SGMS1: variants seen among roughly 807,000 people sequenced by gnomAD.
SGMS1 encodes the protein phosphatidylcholine:ceramide cholinephosphotransferase 1.
In SGMS1, 13 loss-of-function variants were observed where a neutral mutation model predicts 46.2. The observed-to-expected ratio is 0.28, with a 90% CI of 0.18 to 0.45. The LOEUF (loss-of-function observed/expected upper bound fraction) is 0.45. SGMS1 is among the 20% of genes least tolerant of loss of function. The pLI is 1.00. For synonymous variants in SGMS1, 203 were observed against 187.8 expected (o/e 1.08, Z -0.66); for missense variants, 324 against 519.9 (o/e 0.62, Z 3.66).
At chr10:50,371,743 T>A (rs1848439159) in intron 6 of SGMS1, among the ~76,000 whole-genome samples, 1 of 152,170 alleles carries the variant, frequency 6.6e-6, no homozygotes, top group Non-Finnish European at 1.5e-5. Context: ...GTACATTCTG[T>A]GCTGCTGTAA....
chr10:50,465,343 G>A (rs1311113706), intron 4 of SGMS1, among the ~76,000 whole-genome samples: 1 of 151,742 alleles, frequency 6.6e-6, no homozygotes, highest in Non-Finnish European at 1.5e-5. Flanking sequence ...TTAAAATCAG[G>A]GATCAAAACA....
intron 6 of SGMS1, among the ~76,000 whole-genome samples, chr10:50,406,704 C>CT (rs11424535): frequency 0.63 from 90,972 of 144,914 alleles, 29,680 homozygotes; most frequent in African/African-American, 0.82. Context: ...AGCTATAATT[C>CT]TTTTTTTTTT....
At chr10:50,375,884 A>T (rs1400789284) in intron 6 of SGMS1, among the ~76,000 whole-genome samples, 1 of 152,014 alleles carries the variant, frequency 6.6e-6, no homozygotes, top group African/African-American at 2.4e-5. Flanking sequence ...TTTTTAAGAG[A>T]TGGGGTCTCA....
At chr10:50,622,394 CT>C (rs1838860862) in intron 1 of SGMS1, among the ~76,000 whole-genome samples, 1 of 152,188 alleles carries the variant, frequency 6.6e-6, no homozygotes, top group Non-Finnish European at 1.5e-5. Flanking sequence ...TCAGTCCCCC[CT>C]GAATGTTTCA....
chr10:50,372,039 A>G (rs1482699299), intron 6 of SGMS1, among the ~76,000 whole-genome samples: 3 of 152,212 alleles, frequency 2.0e-5, no homozygotes, highest in African/African-American at 7.2e-5. Context: ...ACTCTTATCT[A>G]TATAATCTTA....
At chr10:50,531,281 A>G (rs1430427571) in intron 2 of SGMS1, among the ~76,000 whole-genome samples, 2 of 152,076 alleles carry the variant, frequency 1.3e-5, no homozygotes, top group African/African-American at 4.8e-5. Context: ...TGTGTAGACT[A>G]CCTGTTAGTA....
intron 2 of SGMS1, among the ~76,000 whole-genome samples, chr10:50,546,997 C>T (rs1388084078): frequency 6.6e-6 from 1 of 152,044 alleles, no homozygotes; most frequent in Non-Finnish European, 1.5e-5. Flanking sequence ...ATGCTGTTTC[C>T]ATCCCAAAAT....
chr10:50,556,935 C>T (rs561544236), intron 2 of SGMS1, among the ~76,000 whole-genome samples: 4 of 152,292 alleles, frequency 2.6e-5, no homozygotes, highest in South Asian at 2.1e-4. Context: ...AGCCCCAATC[C>T]AATCACTCAG....
intron 8 of SGMS1, among the ~76,000 whole-genome samples, chr10:50,318,632 T>C (rs1335195597): frequency 6.6e-6 from 1 of 152,190 alleles, no homozygotes; most frequent in Non-Finnish European, 1.5e-5. Flanking sequence ...GTGTTCTCTA[T>C]ACATATAGTA....
intron 3 of SGMS1, among the ~76,000 whole-genome samples, chr10:50,504,985 C>A (rs1441779588): frequency 6.6e-6 from 1 of 152,080 alleles, no homozygotes; most frequent in Non-Finnish European, 1.5e-5. Flanking sequence ...TTTGGGAGGC[C>A]AAGGCAGGAG....
intron 5 of SGMS1, among the ~76,000 whole-genome samples, chr10:50,455,672 T>C (rs1029303116): frequency 1.3e-5 from 2 of 152,222 alleles, no homozygotes; most frequent in African/African-American, 4.8e-5. Flanking sequence ...AAATCTTCAA[T>C]TTAAGAGAGC....
At chr10:50,486,597 CA>C (rs1837523163) in intron 3 of SGMS1, among the ~76,000 whole-genome samples, 1 of 152,152 alleles carries the variant, frequency 6.6e-6, no homozygotes, top group Admixed American at 6.5e-5. Flanking sequence ...AGATGCAAAT[CA>C]AAACCACTAG....
At chr10:50,350,877 G>C (rs1038401504) in intron 6 of SGMS1, among the ~76,000 whole-genome samples, 2 of 152,200 alleles carry the variant, frequency 1.3e-5, no homozygotes, top group Non-Finnish European at 2.9e-5. Context: ...TGTGGGGTCA[G>C]AGCCCCCACA....
At chr10:50,615,131 C>G (rs1838784724) in intron 1 of SGMS1, among the ~76,000 whole-genome samples, 2 of 152,204 alleles carry the variant, frequency 1.3e-5, no homozygotes, top group Admixed American at 6.5e-5. Flanking sequence ...AGAGAATGCA[C>G]CTGGCTCCAC....
intron 3 of SGMS1, among the ~76,000 whole-genome samples, chr10:50,492,088 G>A (rs1010711195): frequency 5.9e-5 from 9 of 152,138 alleles, no homozygotes; most frequent in African/African-American, 1.9e-4. Flanking sequence ...CTCAATAGAC[G>A]CAGAAAAGGG....
At chr10:50,583,910 A>T (rs1838458358) in intron 2 of SGMS1, among the ~76,000 whole-genome samples, 1 of 152,212 alleles carries the variant, frequency 6.6e-6, no homozygotes, top group Admixed American at 6.5e-5. Flanking sequence ...TCCTGACAAG[A>T]TAACTCCACA....
At chr10:50,351,490 CA>C (rs1848011917) in intron 6 of SGMS1, among the ~76,000 whole-genome samples, 1 of 152,166 alleles carries the variant, frequency 6.6e-6, no homozygotes, top group Non-Finnish European at 1.5e-5. Flanking sequence ...TGTGCCCACG[CA>C]AATCTCATTT....
intron 2 of SGMS1, among the ~76,000 whole-genome samples, chr10:50,589,628 C>T (rs902907373): frequency 2.6e-5 from 4 of 151,740 alleles, no homozygotes; most frequent in Admixed American, 2.0e-4. Flanking sequence ...CACCACCACA[C>T]CCAGCTAATT....
chr10:50,348,866 C>A (rs1847959460), intron 6 of SGMS1, among the ~76,000 whole-genome samples: 1 of 152,174 alleles, frequency 6.6e-6, no homozygotes. Context: ...CAAGACAATC[C>A]TAAGCAAAAA....
Sources: gnomAD v4.1 joint callset for allele counts (sites outside exome capture counted in the v4.1 genomes callset) on GRCh38, gnomAD v4.1.1 for gene constraint, MANE v1.5 for transcripts, NCBI Gene and HGNC (gene_info 2026-07-23, HGNC 2026-07-21) for gene names.